GRK5: variants seen among roughly 807,000 people sequenced by gnomAD.
The protein encoded by GRK5 is G protein-coupled receptor kinase 5, also known as g protein-coupled receptor kinase GRK5.
GRK5 carries 40 observed loss-of-function variants against 78.4 expected under a neutral mutation model. The observed-to-expected ratio is 0.51, with a 90% CI of 0.40 to 0.66. The LOEUF is 0.66. Ranked by LOEUF, GRK5 falls within the 30% of genes least tolerant of loss-of-function variation. The probability of loss-of-function intolerance (pLI) is 0.00; values close to 1 mark genes in which losing one functional copy is unlikely to be tolerated. For synonymous variants in GRK5, 289 were observed against 296.8 expected (o/e 0.97, Z 0.27); for missense variants, 598 against 759.9 (o/e 0.79, Z 2.50).
chr10:119,270,661 G>A (rs1010019677), intron 1 of GRK5, among the ~76,000 whole-genome samples: 1 of 152,238 alleles, frequency 6.6e-6, no homozygotes, highest in Non-Finnish European at 1.5e-5. Flanking sequence ...GCGGCCCACA[G>A]CCCTCTCTGC....
At chr10:119,224,270 C>T (rs1184151447) in intron 1 of GRK5, among the ~76,000 whole-genome samples, 2 of 152,146 alleles carry the variant, frequency 1.3e-5, no homozygotes, top group African/African-American at 4.8e-5. Flanking sequence ...ACATAACCAA[C>T]CTTAGGATAG....
intron 1 of GRK5, among the ~76,000 whole-genome samples, chr10:119,235,008 TC>T (rs772072573): frequency 6.6e-6 from 1 of 152,078 alleles, no homozygotes; most frequent in Non-Finnish European, 1.5e-5. Context: ...GGAGTCTCAC[TC>T]TGTTGCCCAG....
At position 119,238,282 on chromosome 10, in the gene GRK5, G is replaced by C; in HGVS notation, c.52+30313G>C. ...GTGGAGGGTGGACGGGAAGCGGGGG[G>C]CCTTCTGCTGAAGATCTCAATTAAA... On this transcript the variant is annotated intron_variant, in intron 1 of 15. Transcript: ENST00000392870. The surrounding 1 kb of genome is among the most constrained non-coding windows in gnomAD (Gnocchi z 4.7). 6.6e-6 allele frequency among the ~76,000 whole-genome samples: 1 copy of C among 152,232 alleles called. No homozygotes were observed. Among genetic ancestry groups the C allele is most frequent in the South Asian group, 2.1e-4 (1 of 4,816 alleles).
chr10:119,216,710 T>C (rs1848580235), intron 1 of GRK5, among the ~76,000 whole-genome samples: 2 of 152,184 alleles, frequency 1.3e-5, no homozygotes, highest in African/African-American at 2.4e-5. Context: ...CCCAGCACTT[T>C]GGGAGGCCAA....
At position 119,271,613 on chromosome 10, in the gene GRK5, A is replaced by G. The variant is rs1849583793; in HGVS notation, c.53-54903A>G. The stretch of plus-strand genomic sequence containing the variant: ...GAGCTCGTAAATGACTCACCCCATC[A>G]GTGCTGGGCTGGTGTGTGCGGGGTT... On this transcript the variant is annotated intron_variant, in intron 1 of 15. Coordinates refer to ENST00000392870, the MANE Select transcript of GRK5 (RefSeq NM_005308.3). The surrounding 1 kb of genome is among the most constrained non-coding windows in gnomAD (Gnocchi z 4.1). Among the ~76,000 whole-genome samples, 1 of 152,262 alleles carries G rather than the reference A, an allele frequency of 6.6e-6. No homozygotes were observed. The highest frequency in any genetic ancestry group is 1.9e-4 in the East Asian group (1 of 5,176).
intron 4 of GRK5, among the ~76,000 whole-genome samples, chr10:119,403,279 G>T (rs1589790630): frequency 6.6e-6 from 1 of 152,106 alleles, no homozygotes; most frequent in East Asian, 1.9e-4. Context: ...CCATTCTCCT[G>T]CCTCAGCCTC....
chr10:119,448,215 C>G lies in GRK5; in HGVS notation c.1359C>G (p.Phe453Leu). 1 of 1,598,016 alleles carries G rather than the reference C, an allele frequency of 6.3e-7. No individual in the cohort carries two copies. ...ACCCCTTCTTCAGGAACATGAACTTCAAGCGCTTAGAAGCCGGGATGTTGG... is the reference window on the plus strand; with the variant it reads ...ACCCCTTCTTCAGGAACATGAACTTGAAGCGCTTAGAAGCCGGGATGTTGG... The part of the protein sequence containing the change: ...KRHPFFRNMN[F>L]KRLEAGMLDP... The change falls in exon 13 of 16, where the codon TTC (phenylalanine) becomes TTG (leucine). Residue 453 changes from phenylalanine to leucine, a missense_variant. Coordinates refer to ENST00000392870, the MANE Select transcript of GRK5 (RefSeq NM_005308.3).
chr10:119,386,038 C>T (rs1851788790), intron 3 of GRK5, among the ~76,000 whole-genome samples: 1 of 152,318 alleles, frequency 6.6e-6, no homozygotes, highest in African/African-American at 2.4e-5. Context: ...GTACACACCA[C>T]CACGCCCAGC....
At position 119,448,273 on chromosome 10, in the gene GRK5, C is replaced by T. The variant is rs747785874; in HGVS notation, c.1404+13C>T. ...CTTCGTTCCAGACGTGAGTAGCCTCCCCCAGCCCCCAGCAGCTCCCTTCAC... is the reference window on the plus strand; with the variant it reads ...CTTCGTTCCAGACGTGAGTAGCCTCTCCCAGCCCCCAGCAGCTCCCTTCAC... On this transcript the variant is annotated intron_variant, in intron 13 of 15. Transcript: ENST00000392870. 6.3e-7 allele frequency: 1 copy of T among 1,580,218 alleles called. No individual in the cohort carries two copies. The highest frequency in any genetic ancestry group is 8.6e-7 in the Non-Finnish European group (1 of 1,167,258).
chr10:119,260,270 G>A (rs1236628814), intron 1 of GRK5, among the ~76,000 whole-genome samples: 1 of 152,080 alleles, frequency 6.6e-6, no homozygotes, highest in East Asian at 1.9e-4. Flanking sequence ...CAAAGTGCTG[G>A]GATTACAGGC....
chr10:119,284,772 T>G (rs1849818648), intron 1 of GRK5, among the ~76,000 whole-genome samples: 1 of 152,230 alleles, frequency 6.6e-6, no homozygotes, highest in South Asian at 2.1e-4. Context: ...TGTACTGGGC[T>G]GCCAGTGACA....
At chr10:119,331,748 C>T (rs189281890) in intron 2 of GRK5, among the ~76,000 whole-genome samples, 5 of 152,318 alleles carry the variant, frequency 3.3e-5, no homozygotes, top group African/African-American at 1.2e-4. Context: ...TCAGCCCTGC[C>T]CTGGACAGTC....
At position 119,459,020 on chromosome 10, in the gene GRK5, T is replaced by G. The variant is rs1207373004; in HGVS notation, c.*3953T>G. 2.0e-5 allele frequency: 3 copies of G among 152,260 alleles called. No individual in the cohort carries two copies. The highest frequency in any genetic ancestry group is 4.4e-5 in the Non-Finnish European group (3 of 68,052). The allele number at this position is 152,260 out of a possible 1,614,324, so 9.4% of individuals were successfully genotyped here. On this transcript the variant is annotated 3_prime_UTR_variant, in exon 16 of 16. Transcript: ENST00000392870. ...GTGCATGCACGTCCTCCTGAATACCTGTACTTCCAAGAGGTGGTCTCCTGT... is the reference window on the plus strand; with the variant it reads ...GTGCATGCACGTCCTCCTGAATACCGGTACTTCCAAGAGGTGGTCTCCTGT...
At position 119,225,434 on chromosome 10, in the gene GRK5, GT is replaced by G. The variant is rs561966949; in HGVS notation, c.52+17466del. Among the ~76,000 whole-genome samples the G allele has an allele frequency of 3.8e-3, 582 of 152,084 alleles. 4 individuals carry two copies. Among genetic ancestry groups the G allele is most frequent in the Non-Finnish European group, 5.3e-3 (363 of 67,980 alleles). ...CCCACAAGGAGTGAGAGAGTGATAG[GT>G]ATTACCTACCTTTTAAGGCTTGTTG... On this transcript the variant is annotated intron_variant, in intron 1 of 15. Coordinates refer to ENST00000392870, the MANE Select transcript of GRK5 (RefSeq NM_005308.3).
rs1351356607 is a variant in GRK5 at position 119,264,121 on chromosome 10, T to C, written c.52+56152T>C. On this transcript the variant is annotated intron_variant, in intron 1 of 15. Transcript: ENST00000392870. The surrounding 1 kb of genome is among the most constrained non-coding windows in gnomAD (Gnocchi z 4.1). ...TCCTCAAGAGAGTCTATATTTGTTATCAAAATGAGCCACGTGCTTGCATGC... is the reference window on the plus strand; with the variant it reads ...TCCTCAAGAGAGTCTATATTTGTTACCAAAATGAGCCACGTGCTTGCATGC... 6.6e-6 allele frequency among the ~76,000 whole-genome samples: 1 copy of C among 152,144 alleles called. No individual in the cohort carries two copies. Among genetic ancestry groups the C allele is most frequent in the East Asian group, 1.9e-4 (1 of 5,198 alleles).
chr10:119,285,223 G>T (rs1039605218), intron 1 of GRK5, among the ~76,000 whole-genome samples: 5 of 152,180 alleles, frequency 3.3e-5, no homozygotes, highest in African/African-American at 1.2e-4. Context: ...ACAGACTTTG[G>T]TGGAGGTAGG....
In GRK5 at chr10:119,431,636, A is replaced by T; in HGVS notation, c.738+109A>T. ...ATGCGGCCGGTCCCCACCCCTGGGA[A>T]GGGGAATGCCAGTGGCAGCGCTGAG... On this transcript the variant is annotated intron_variant, in intron 8 of 15. Transcript: ENST00000392870. The surrounding 1 kb of genome is among the most constrained non-coding windows in gnomAD (Gnocchi z 4.8). The T allele has an allele frequency of 1.5e-6, 2 of 1,319,614 alleles. No individual in the cohort carries two copies. The highest frequency in any genetic ancestry group is 2.1e-6 in the Non-Finnish European group (2 of 967,298). 81.7% of individuals were successfully genotyped at this position (1,319,614 alleles called of 1,614,324 possible).
intron 1 of GRK5, among the ~76,000 whole-genome samples, chr10:119,233,274 G>A (rs893470971): frequency 6.6e-6 from 1 of 152,216 alleles, no homozygotes; most frequent in African/African-American, 2.4e-5. Context: ...ACAAGGTTGG[G>A]TGGAGATGAT....
intron 13 of GRK5, among the ~76,000 whole-genome samples, chr10:119,449,407 T>A (rs1853228370): frequency 6.6e-6 from 1 of 152,160 alleles, no homozygotes; most frequent in Non-Finnish European, 1.5e-5. Context: ...CGGATCAGTG[T>A]CCATGGCAAC....
Sources: gnomAD v4.1 joint callset for allele counts (sites outside exome capture counted in the v4.1 genomes callset) on GRCh38, gnomAD v4.1.1 for gene constraint, Gnocchi (gnomAD v3.1) non-coding constraint, MANE v1.5 for transcripts, NCBI Gene and HGNC (gene_info 2026-07-23, HGNC 2026-07-21) for gene names.